Variants in LHFPL3 observed in about 807,000 individuals in gnomAD.
LHFPL3 encodes the protein LHFPL tetraspan subfamily member 3, also known as LHFPL tetraspan subfamily member 3 protein.
LHFPL3 carries 5 observed loss-of-function variants against 19.3 expected under a neutral mutation model. The observed-to-expected ratio is 0.26, with a 90% CI of 0.14 to 0.54. The LOEUF (loss-of-function observed/expected upper bound fraction) is 0.54. LHFPL3 is among the 20% of genes least tolerant of loss of function. The pLI, the probability that LHFPL3 is intolerant of heterozygous loss-of-function variation, is 0.94. For synonymous variants in LHFPL3, 133 were observed against 126.2 expected, an observed-to-expected ratio of 1.05 and a Z score of -0.36; for missense variants, 249 against 307.4, an observed-to-expected ratio of 0.81 and a Z score of 1.42.
chr7:104,595,523 C>T (rs1483561694), intron 1 of LHFPL3, among the ~76,000 whole-genome samples: 1 of 152,188 alleles, frequency 6.6e-6, no homozygotes, highest in East Asian at 1.9e-4. Context: ...GGGTCAGGGA[C>T]CCACTTGAGG....
intron 1 of LHFPL3, among the ~76,000 whole-genome samples, chr7:104,712,185 G>A (rs1161448420): frequency 1.3e-5 from 2 of 152,206 alleles, no homozygotes; most frequent in Non-Finnish European, 2.9e-5. Context: ...GAGATGATAT[G>A]TGAAAAGGAC....
chr7:104,455,289 A>G, intron 1 of LHFPL3, among the ~76,000 whole-genome samples: 1 of 152,234 alleles, frequency 6.6e-6, no homozygotes, highest in East Asian at 1.9e-4. Context: ...CAACGTGCAA[A>G]TTAGTTGATT....
At chr7:104,555,044 GC>G (rs1794738105) in intron 1 of LHFPL3, among the ~76,000 whole-genome samples, 1 of 152,176 alleles carries the variant, frequency 6.6e-6, no homozygotes. Flanking sequence ...ACTGGATGGT[GC>G]CTTCTCACAC....
chr7:104,412,409 T>A (rs780249385), intron 1 of LHFPL3, among the ~76,000 whole-genome samples: 1 of 151,850 alleles, frequency 6.6e-6, no homozygotes, highest in African/African-American at 2.4e-5. Flanking sequence ...TTGTGAAGAG[T>A]GGCACAGAGA....
At chr7:104,331,086 GAC>G (rs1801559120) in intron 1 of LHFPL3, among the ~76,000 whole-genome samples, 1 of 152,126 alleles carries the variant, frequency 6.6e-6, no homozygotes, top group South Asian at 2.1e-4. Context: ...CTTTTTGAAA[GAC>G]AAAAAGAAAA....
intron 1 of LHFPL3, among the ~76,000 whole-genome samples, chr7:104,360,885 G>C (rs1246526887): frequency 6.6e-6 from 1 of 152,150 alleles, no homozygotes; most frequent in Non-Finnish European, 1.5e-5. Flanking sequence ...ATGGGCAAAC[G>C]ATAGCCCATG....
intron 1 of LHFPL3, among the ~76,000 whole-genome samples, chr7:104,512,900 T>C (rs1038852491): frequency 1.7e-4 from 26 of 152,192 alleles, no homozygotes; most frequent in Non-Finnish European, 3.8e-4. Context: ...ATGAGGCAGC[T>C]CTTTTCTCTG....
chr7:104,860,625 G>A (rs970316980), intron 2 of LHFPL3, among the ~76,000 whole-genome samples: 2 of 152,130 alleles, frequency 1.3e-5, no homozygotes, highest in African/African-American at 4.8e-5. Context: ...ACTTTAAGAG[G>A]GAGCAGTAAC....
chr7:104,492,836 G>A (rs944229442), intron 1 of LHFPL3, among the ~76,000 whole-genome samples: 1 of 151,856 alleles, frequency 6.6e-6, no homozygotes, highest in African/African-American at 2.4e-5. Context: ...ATTTCTTTCT[G>A]TTGCATCTTT....
intron 2 of LHFPL3, among the ~76,000 whole-genome samples, chr7:104,839,834 CTTTG>C (rs1791162276): frequency 6.6e-6 from 1 of 152,002 alleles, no homozygotes; most frequent in African/African-American, 2.4e-5. Context: ...GCTTAGAAAA[CTTTG>C]TTTTTCTATT....
chr7:104,876,207 G>C (rs1490986397), intron 2 of LHFPL3, among the ~76,000 whole-genome samples: 1 of 152,106 alleles, frequency 6.6e-6, no homozygotes, highest in Non-Finnish European at 1.5e-5. Context: ...TACCATTCAG[G>C]ACACAGGCAT....
At chr7:104,810,461 G>C (rs529471864) in intron 2 of LHFPL3, among the ~76,000 whole-genome samples, 1 of 152,288 alleles carries the variant, frequency 6.6e-6, no homozygotes, top group East Asian at 1.9e-4. Context: ...TTCAGAGGTA[G>C]AACTCACAAG....
chr7:104,436,734 G>A (rs1198656594), intron 1 of LHFPL3, among the ~76,000 whole-genome samples: 1 of 152,146 alleles, frequency 6.6e-6, no homozygotes. Flanking sequence ...TTTTGCCCAT[G>A]CATTATTTAC....
At chr7:104,390,478 G>T (rs1297926997) in intron 1 of LHFPL3, among the ~76,000 whole-genome samples, 1 of 151,968 alleles carries the variant, frequency 6.6e-6, no homozygotes, top group Non-Finnish European at 1.5e-5. Context: ...GAGAATGATG[G>T]TTTCCAGCTC....
chr7:104,416,338 C>T (rs1201352345), intron 1 of LHFPL3, among the ~76,000 whole-genome samples: 4 of 152,154 alleles, frequency 2.6e-5, no homozygotes, highest in Admixed American at 1.3e-4. Flanking sequence ...TTCCAGCCTC[C>T]AGAACATTGA....
intron 1 of LHFPL3, among the ~76,000 whole-genome samples, chr7:104,602,339 G>A (rs1790988080): frequency 6.6e-6 from 1 of 152,112 alleles, no homozygotes; most frequent in Admixed American, 6.5e-5. Flanking sequence ...ATTTTCTATA[G>A]ACAGTTTGTC....
rs1280395906 is a variant in LHFPL3 at position 104,559,898 on chromosome 7, G to A, written c.446-176777G>A. ...GAGAGTTTTTAGCATGAAGGTTGTT[G>A]AATTTTGTCAAAGGCTTTTTCTGCA... On this transcript the variant is annotated intron_variant, in intron 1 of 2. Coordinates refer to ENST00000424859, the MANE Select transcript of LHFPL3 (RefSeq NM_199000.3). 5.4e-5 allele frequency among the ~76,000 whole-genome samples: 8 copies of A among 146,894 alleles called. No homozygotes were observed. The East Asian group carries it at 1.6e-3, about 29-fold the overall frequency.
chr7:104,463,719 A>G (rs559827038), intron 1 of LHFPL3, among the ~76,000 whole-genome samples: 148 of 152,330 alleles, frequency 9.7e-4, no homozygotes, highest in Middle Eastern at 3.4e-3. Flanking sequence ...CTCACTCACT[A>G]TCATGAGAAC....
At chr7:104,543,338 T>C (rs1562930020) in intron 1 of LHFPL3, among the ~76,000 whole-genome samples, 2 of 152,018 alleles carry the variant, frequency 1.3e-5, no homozygotes, top group Non-Finnish European at 1.5e-5. Flanking sequence ...AGTTCAACCA[T>C]TGTGGAAGTC....
Sources: gnomAD v4.1 joint callset for allele counts (sites outside exome capture counted in the v4.1 genomes callset) on GRCh38, gnomAD v4.1.1 for gene constraint, MANE v1.5 for transcripts, NCBI Gene and HGNC (gene_info 2026-07-23, HGNC 2026-07-21) for gene names.